The following ZBED4 variants were observed in gnomAD, a reference collection of about 807,000 sequenced individuals.
The protein encoded by ZBED4 is zinc finger BED domain-containing protein 4.
ZBED4 carries 4 observed loss-of-function variants against 15.5 expected under a neutral mutation model. The ratio of observed to expected loss-of-function variants is 0.26; its 90% CI spans 0.13 to 0.59. ZBED4 has a LOEUF of 0.59. Ranked by LOEUF, ZBED4 falls within the 20% of genes least tolerant of loss-of-function variation. ZBED4 has a pLI of 0.90. For synonymous variants in ZBED4, 692 were observed against 608.5 expected (o/e 1.14, Z -2.02); for missense variants, 1,323 against 1,461.8 (o/e 0.91, Z 1.55).
chr22:49,886,594 A>G lies in ZBED4; in HGVS notation c.2932A>G (p.Ile978Val). The change falls in exon 2 of 2, where the codon ATC (isoleucine) becomes GTC (valine). Residue 978 changes from isoleucine (I) to valine (V), a missense_variant. Ile to Val is a conservative substitution (Grantham distance 29). Around this residue, in one of 6 missense-constraint regions of ZBED4, gnomAD observed 312 missense variants for 410.7 expected, o/e 0.76. Coordinates refer to ENST00000216268, the MANE Select transcript of ZBED4 (RefSeq NM_014838.3). This position sits in a 1 kb window ranked among gnomAD's most constrained non-coding sequence, Gnocchi z 7.7. ...GATGCTCTTCGAGGAGACGATGGGCATCGACACCATGCTGCGCTCTCTGAA... is the reference window on the plus strand; with the variant it reads ...GATGCTCTTCGAGGAGACGATGGGCGTCGACACCATGCTGCGCTCTCTGAA... ...VEMLFEETMG[I>V]DTMLRSLKEA... is the part of the protein sequence containing the mutation. 1.9e-6 allele frequency: 3 copies of G among 1,559,792 alleles called. No homozygotes were observed. The highest frequency in any genetic ancestry group is 1.2e-5 in the South Asian group (1 of 83,016).
At chr22:49,869,349 C>T (rs976340340) in intron 1 of ZBED4, among the ~76,000 whole-genome samples, 4 of 152,198 alleles carry the variant, frequency 2.6e-5, no homozygotes, top group African/African-American at 7.2e-5. Flanking sequence ...CTCGTACCCG[C>T]GTGGTGGTTA....
At chr22:49,862,185 T>A (rs1313555778) in intron 1 of ZBED4, among the ~76,000 whole-genome samples, 1 of 152,228 alleles carries the variant, frequency 6.6e-6, no homozygotes, top group Non-Finnish European at 1.5e-5. Flanking sequence ...TGTTAGTAAG[T>A]CCCCGAGGGC....
At chr22:49,863,619 C>G (rs1239763067) in intron 1 of ZBED4, among the ~76,000 whole-genome samples, 1 of 143,034 alleles carries the variant, frequency 7.0e-6, no homozygotes, top group Admixed American at 6.7e-5. Flanking sequence ...GAGCGAGACT[C>G]CGTCTCAAAA....
At chr22:49,872,554 T>A (rs141649123) in intron 1 of ZBED4, among the ~76,000 whole-genome samples, 5 of 152,176 alleles carry the variant, frequency 3.3e-5, no homozygotes, top group African/African-American at 1.2e-4. Context: ...TTTAGAGATA[T>A]GGTCTTGCTC....
At chr22:49,854,690 C>T (rs949431741) in intron 1 of ZBED4, among the ~76,000 whole-genome samples, 1 of 152,190 alleles carries the variant, frequency 6.6e-6, no homozygotes, top group Non-Finnish European at 1.5e-5. Flanking sequence ...CCCTCGGGCT[C>T]CCTTCTGCGC....
chr22:49,886,227 G>A lies in ZBED4; in HGVS notation c.2565G>A (p.Lys855=), dbSNP rs779148246. Residue 855 remains lysine, a synonymous_variant, in exon 2 of 2, where the codon AAG becomes AAA. Transcript: ENST00000216268. The surrounding 1 kb of genome is among the most constrained non-coding windows in gnomAD (Gnocchi z 7.7). The part of the protein sequence containing the change: ...MVQNLLSLAR[K]ICERVHRSPK... ...AGAACCTGCTGAGCCTCGCCCGGAA[G>A]ATCTGCGAGCGGGTGCACCGGTCGC... 2.2e-6 allele frequency: 2 copies of A among 894,960 alleles called. No individual in the cohort carries two copies. The highest frequency in any genetic ancestry group is 2.4e-5 in the East Asian group (1 of 41,282). The allele number at this position is 894,960 out of a possible 1,614,324, so 55.4% of individuals were successfully genotyped here.
chr22:49,867,390 G>C (rs975819199), intron 1 of ZBED4, among the ~76,000 whole-genome samples: 1 of 152,128 alleles, frequency 6.6e-6, no homozygotes, highest in African/African-American at 2.4e-5. Context: ...CGGTTGGGGA[G>C]GCACTGCGGT....
intron 1 of ZBED4, among the ~76,000 whole-genome samples, chr22:49,868,983 G>A (rs951827784): frequency 2.6e-5 from 4 of 151,478 alleles, no homozygotes; most frequent in Admixed American, 1.3e-4. Flanking sequence ...AATTAGCTGG[G>A]TGTGATGGTG....
At position 49,883,526 on chromosome 22, in the gene ZBED4, A is replaced by G; in HGVS notation, c.-137A>G. On this transcript the variant is annotated 5_prime_UTR_variant, in exon 2 of 2. Transcript: ENST00000216268. ...CTTTTTTTCAGTACTATTTATGATT[A>G]GCCATATTTCTAGAAACATCCTGAA... 1 of 1,198,542 alleles carries G rather than the reference A, an allele frequency of 8.3e-7. No individual in the cohort carries two copies. Among genetic ancestry groups the G allele is most frequent in the Non-Finnish European group, 1.1e-6 (1 of 885,186 alleles). 74.2% of individuals were successfully genotyped at this position (1,198,542 alleles called of 1,614,324 possible).
chr22:49,884,330 CAGA>C lies in ZBED4; in HGVS notation c.669_671del (p.Glu225del), dbSNP rs776239664. On this transcript the variant is annotated inframe_deletion, in exon 2 of 2. Transcript: ENST00000216268. ...AAGATCCCGTCCCCCGATCGAATAA[CAGA>C]GGAGTCTGTGTCTGTAGTTTCTTCT... The C allele has an allele frequency of 3.1e-6, 5 of 1,613,794 alleles. No individual in the cohort carries two copies. Among genetic ancestry groups the C allele is most frequent in the Non-Finnish European group, 4.2e-6 (5 of 1,179,802 alleles).
intron 1 of ZBED4, among the ~76,000 whole-genome samples, chr22:49,881,960 T>C (rs890560671): frequency 6.6e-6 from 1 of 152,362 alleles, no homozygotes; most frequent in Middle Eastern, 3.4e-3. Context: ...TGGAACACTT[T>C]TTAGGGCAAC....
intron 1 of ZBED4, among the ~76,000 whole-genome samples, chr22:49,856,757 G>T (rs1294101514): frequency 1.2e-5 from 1 of 84,776 alleles, no homozygotes; most frequent in Admixed American, 1.3e-4. Flanking sequence ...TCTCGTTCTA[G>T]GTGAAGGCCG....
chr22:49,874,843 C>T (rs893254833), intron 1 of ZBED4, among the ~76,000 whole-genome samples: 6 of 151,672 alleles, frequency 4.0e-5, no homozygotes, highest in African/African-American at 1.2e-4. Flanking sequence ...CCACCATGCC[C>T]GGCTCATTTT....
chr22:49,877,273 ATTTATTTATT>A (rs1477299468), intron 1 of ZBED4, among the ~76,000 whole-genome samples: 1 of 132,308 alleles, frequency 7.6e-6, no homozygotes, highest in Non-Finnish European at 1.7e-5. Context: ...TTATTTATTT[ATTTATTTATT>A]TATTTATTTA....
chr22:49,881,331 A>G (rs1361742285), intron 1 of ZBED4, among the ~76,000 whole-genome samples: 1 of 152,254 alleles, frequency 6.6e-6, no homozygotes, highest in African/African-American at 2.4e-5. Context: ...AGCCTGGGCG[A>G]CAGAGTGATC....
Position 49,864,820 on chromosome 22 carries a change from C to CAAAAAAAAAAA in ZBED4, c.-330+10840_-330+10850dup, listed in dbSNP as rs71196384. Among the ~76,000 whole-genome samples, 3 of 66,992 alleles carry CAAAAAAAAAAA rather than the reference C, an allele frequency of 4.5e-5. 1 individual carries two copies. The highest frequency in any genetic ancestry group is 6.8e-4 in the South Asian group (1 of 1,478). 43.9% of individuals were successfully genotyped at this position (66,992 alleles called of 152,430 possible). A position where few individuals can be genotyped will look rare whatever the true frequency, so the allele number is the denominator to read the frequency against. On this transcript the variant is annotated intron_variant, in intron 1 of 1. Transcript: ENST00000216268. ...GAGCGCCAGAGTGAGACCCTGTCTC[C>CAAAAAAAAAAA]AAAAAAAAAAAAAAAAAAAGCCCTG...
At chr22:49,863,252 C>T (rs535998439) in intron 1 of ZBED4, among the ~76,000 whole-genome samples, 8 of 152,116 alleles carry the variant, frequency 5.3e-5, no homozygotes, top group South Asian at 4.1e-4. Flanking sequence ...GTGGTGCTCC[C>T]GGGCTCAAGT....
chr22:49,862,490 C>T (rs565337932), intron 1 of ZBED4, among the ~76,000 whole-genome samples: 3 of 152,144 alleles, frequency 2.0e-5, no homozygotes, highest in African/African-American at 2.4e-5. Flanking sequence ...CAGTGTCTAG[C>T]GTAATGAGTC....
At chr22:49,868,761 A>C (rs2060332545) in intron 1 of ZBED4, among the ~76,000 whole-genome samples, 1 of 152,156 alleles carries the variant, frequency 6.6e-6, no homozygotes, top group African/African-American at 2.4e-5. Flanking sequence ...AGGGTTGAGC[A>C]AATGAGGAAA....
Sources: allele counts gnomAD v4.1 joint callset (sites outside exome capture counted in the v4.1 genomes callset), GRCh38; gene constraint gnomAD v4.1.1; regional missense constraint gnomAD v4.1.1; non-coding constraint Gnocchi (gnomAD v3.1); transcripts MANE v1.5; gene names NCBI Gene and HGNC (gene_info 2026-07-23, HGNC 2026-07-21).